Variants in DYNC2H1 observed in about 807,000 individuals in gnomAD.
DYNC2H1 encodes the protein dynein cytoplasmic 2 heavy chain 1.
A neutral mutation model predicts 570.0 loss-of-function variants in DYNC2H1; 410 were observed. That is an observed-to-expected ratio of 0.72 (90% CI 0.66 to 0.78). The LOEUF (loss-of-function observed/expected upper bound fraction) is 0.78. Among genes scored for constraint, DYNC2H1 ranks in the 30% least tolerant of loss-of-function variants. The pLI, the probability that DYNC2H1 is intolerant of heterozygous loss-of-function variation, is 0.00. For missense variants in DYNC2H1, 4,865 were observed against 5,046.4 expected (o/e 0.96, Z 1.09); for synonymous variants, 1,688 against 1,677.6 (o/e 1.01, Z -0.15).
rs754049260 is a variant in DYNC2H1, at chr11:103,201,089, A to T, written c.8197+935A>T. Among the ~76,000 whole-genome samples, 1 of 152,158 alleles carries T rather than the reference A, an allele frequency of 6.6e-6. No homozygotes were observed. The highest frequency in any genetic ancestry group is 1.9e-4 in the East Asian group (1 of 5,182). On this transcript the variant is annotated intron_variant, in intron 50 of 88. Transcript: ENST00000375735. The surrounding 1 kb of genome is among the most constrained non-coding windows in gnomAD (Gnocchi z 4.8). Reference sequence around the variant, plus strand: ...TGATCCTCCCGCCTTGGCCTCCCAAAGTGCTGGGATTACAGATGTGAGCCA... The same window carrying T: ...TGATCCTCCCGCCTTGGCCTCCCAATGTGCTGGGATTACAGATGTGAGCCA...
At chr11:103,413,560 C>A (rs1242604735) in intron 84 of DYNC2H1, among the ~76,000 whole-genome samples, 1 of 152,086 alleles carries the variant, frequency 6.6e-6, no homozygotes, top group Admixed American at 6.6e-5. Context: ...GTTCTTTCCA[C>A]CTTACTGCTC....
chr11:103,135,311 T>C (rs75685421), intron 15 of DYNC2H1, among the ~76,000 whole-genome samples, 184 bp from the exon 16 acceptor site: 1 of 152,182 alleles, frequency 6.6e-6, no homozygotes, highest in East Asian at 1.9e-4. Context: ...AGATTAGATT[T>C]TCATATTTGT....
chr11:103,247,742 T>A (rs1864671704), intron 65 of DYNC2H1, among the ~76,000 whole-genome samples: 2 of 152,040 alleles, frequency 1.3e-5, no homozygotes, highest in South Asian at 4.1e-4. Flanking sequence ...GAGTGGCATA[T>A]TTTCTAGCCA....
In DYNC2H1 at chr11:103,231,321, C is replaced by A; in HGVS notation, c.9415C>A (p.Gln3139Lys). 6.2e-7 allele frequency: 1 copy of A among 1,605,578 alleles called. No homozygotes were observed. The highest frequency in any genetic ancestry group is 1.1e-5 in the South Asian group (1 of 89,080). Residue 3139 changes from glutamine (Q) to lysine (K), a missense_variant, in exon 60 of 89, where the codon CAA (glutamine) becomes AAA (lysine). Physicochemically the swap from Gln to Lys is moderately conservative, Grantham distance 53. This residue lies in a region of DYNC2H1 where 2,401 missense variants were observed against 2,454.6 expected (regional missense o/e 0.98). Transcript: ENST00000375735. ...KLEELLNSVG[Q>K]KVSELKEKFQ... ...AGAGGAGCTTCTTAATTCTGTTGGT[C>A]AAAAGGTATCAGAACTCAAAGAAAA...
Position 103,220,608 on chromosome 11 carries a change from C to T in DYNC2H1, c.8947-15C>T. On this transcript the variant is annotated splice_polypyrimidine_tract_variant and intron_variant, in intron 56 of 88. Coordinates refer to ENST00000375735, the MANE Select transcript of DYNC2H1 (RefSeq NM_001377.3). ...TATATAATTTGAAGATAAAAATGGC[C>T]TTTTTCTCTTTTAGCCTTTAGTCAA... The T allele has an allele frequency of 1.9e-6, 3 of 1,558,964 alleles. No individual in the cohort carries two copies. In the South Asian group the frequency reaches 3.8e-5, roughly 20 times the overall value.
intron 75 of DYNC2H1, among the ~76,000 whole-genome samples, chr11:103,301,979 A>G (rs1353684928): frequency 6.6e-6 from 1 of 151,970 alleles, no homozygotes; most frequent in East Asian, 1.9e-4. Context: ...TTTTAGCTCA[A>G]TTCAAACAAG....
Position 103,161,016 on chromosome 11 carries a change from A to T in DYNC2H1, c.4463A>T (p.Asn1488Ile). 2.6e-6 allele frequency: 4 copies of T among 1,531,746 alleles called. No homozygotes were observed. The highest frequency in any genetic ancestry group is 3.5e-6 in the Non-Finnish European group (4 of 1,141,838). 94.9% of individuals were successfully genotyped at this position (1,531,746 alleles called of 1,614,324 possible). ...SLEGEVVPFK[N>I]KVPLSNNVET... is the part of the protein sequence containing the mutation. ...GAGGGAGAAGTTGTACCTTTTAAAA[A>T]TAAAGTTCCTCTATCAAATAATGTA... is the stretch of plus-strand genomic sequence containing the variant. Residue 1488 changes from asparagine to isoleucine, a missense_variant, in exon 29 of 89, where the codon AAT becomes ATT. Asn to Ile is a moderately radical substitution (Grantham distance 149). Coordinates refer to ENST00000375735, the MANE Select transcript of DYNC2H1 (RefSeq NM_001377.3).
At chr11:103,208,255 G>A (rs747199690) in intron 52 of DYNC2H1, among the ~76,000 whole-genome samples, 1 of 152,084 alleles carries the variant, frequency 6.6e-6, no homozygotes, top group African/African-American at 2.4e-5. Context: ...AATTAAGAAG[G>A]TAAGACAAGG....
intron 84 of DYNC2H1, chr11:103,403,852 G>A (rs1942749293): frequency 6.6e-6 from 1 of 151,988 alleles, no homozygotes; most frequent in Non-Finnish European, 1.5e-5. Flanking sequence ...TATACTCATA[G>A]CTTCAATATC....
rs1447084735 is a variant in DYNC2H1, at chr11:103,215,807, G to A, written c.8781G>A (p.Thr2927=). 12 of 1,612,528 alleles carry A rather than the reference G, an allele frequency of 7.4e-6. No individual in the cohort carries two copies. In the Admixed American group the frequency reaches 1.2e-4, roughly 16 times the overall value. ...KAGEQSVLLK[T]KQDEADAALQ... is the part of the protein sequence containing the mutation. ...GAGAACAAAGTGTGTTACTTAAAACGAAGCAAGATGAAGCAGATGCTGCCC... is the reference window on the plus strand; with the variant it reads ...GAGAACAAAGTGTGTTACTTAAAACAAAGCAAGATGAAGCAGATGCTGCCC... Residue 2927 remains threonine (T), a synonymous_variant, in exon 55 of 89, where the codon ACG becomes ACA. Coordinates refer to ENST00000375735, the MANE Select transcript of DYNC2H1 (RefSeq NM_001377.3).
At position 103,457,616 on chromosome 11, in the gene DYNC2H1, A is replaced by T. The variant is rs116252653; in HGVS notation, c.12648+1260A>T. On this transcript the variant is annotated intron_variant, in intron 87 of 88. Coordinates refer to ENST00000375735, the MANE Select transcript of DYNC2H1 (RefSeq NM_001377.3). ...TTTATACTTTTTGACTCTTATAAATAACACTTAGCTTAAAACATAAACACA... is the reference window on the plus strand; with the variant it reads ...TTTATACTTTTTGACTCTTATAAATTACACTTAGCTTAAAACATAAACACA... Among the ~76,000 whole-genome samples, 340 of 152,336 alleles carry T rather than the reference A, an allele frequency of 2.2e-3. 3 individuals carry two copies. Among genetic ancestry groups the T allele is most frequent in the African/African-American group, 7.9e-3 (327 of 41,590 alleles).
chr11:103,423,408 TAAAAAAAA>T (rs60223334), intron 84 of DYNC2H1, among the ~76,000 whole-genome samples: 1 of 120,508 alleles, frequency 8.3e-6, no homozygotes, highest in Non-Finnish European at 1.9e-5. Context: ...GCCAAAAAAG[TAAAAAAAA>T]AAAAAAAAAA....
chr11:103,176,630 A>T (rs566666481), intron 37 of DYNC2H1, among the ~76,000 whole-genome samples, 196 bp downstream of exon 37: 10 of 152,028 alleles, frequency 6.6e-5, no homozygotes, highest in Admixed American at 5.9e-4. Flanking sequence ...TTCTTGTTTC[A>T]TGTTTGTGTG....
intron 65 of DYNC2H1, among the ~76,000 whole-genome samples, chr11:103,248,285 C>A (rs117598137): frequency 0.011 from 1,642 of 151,950 alleles, 12 homozygotes; most frequent in Non-Finnish European, 0.018. Flanking sequence ...CCACTGGAGA[C>A]CATTATCAAA....
rs942167516 is a variant in DYNC2H1, at chr11:103,145,026, A to G, written c.2702+1631A>G. 2.0e-5 allele frequency among the ~76,000 whole-genome samples: 3 copies of G among 151,882 alleles called. No homozygotes were observed. The highest frequency in any genetic ancestry group is 7.3e-5 in the African/African-American group (3 of 41,332). The stretch of plus-strand genomic sequence containing the variant: ...CTCCTGAGTAGCTGGGACTACAGGC[A>G]CGTGCCACCACGCCTGGCTAATTTT... On this transcript the variant is annotated intron_variant, in intron 18 of 88. Transcript: ENST00000375735. This position sits in a 1 kb window ranked among gnomAD's most constrained non-coding sequence, Gnocchi z 4.2.
At chr11:103,271,882 C>T (rs1044430586) in intron 70 of DYNC2H1, among the ~76,000 whole-genome samples, 1 of 152,184 alleles carries the variant, frequency 6.6e-6, no homozygotes, top group Non-Finnish European at 1.5e-5. Flanking sequence ...GATACCATCT[C>T]ACACCAGTTA....
intron 82 of DYNC2H1, among the ~76,000 whole-genome samples, chr11:103,339,265 C>A (rs1043292288): frequency 6.6e-6 from 1 of 151,992 alleles, no homozygotes; most frequent in Non-Finnish European, 1.5e-5. Context: ...CATTAGAACA[C>A]CATGAAAGCC....
At chr11:103,380,702 C>T (rs1941607822) in intron 83 of DYNC2H1, among the ~76,000 whole-genome samples, 2 of 152,128 alleles carry the variant, frequency 1.3e-5, no homozygotes, top group South Asian at 4.1e-4. Context: ...GCTGGGACCA[C>T]AGGTGCACGG....
At position 103,363,421 on chromosome 11, in the gene DYNC2H1, A is replaced by G. The variant is rs1349338604; in HGVS notation, c.12156+5062A>G. ...TATCCAGCCACTCTAAAGATTCTGG[A>G]ATTTAGCAATTTCAAAATTGCTGTT... On this transcript the variant is annotated intron_variant, in intron 83 of 88. Transcript: ENST00000375735. This position sits in a 1 kb window ranked among gnomAD's most constrained non-coding sequence, Gnocchi z 5.6. 1.3e-5 allele frequency among the ~76,000 whole-genome samples: 2 copies of G among 152,138 alleles called. No homozygotes were observed. The highest frequency in any genetic ancestry group is 4.8e-5 in the African/African-American group (2 of 41,420).
Sources: gnomAD v4.1 joint callset for allele counts (sites outside exome capture counted in the v4.1 genomes callset) on GRCh38, gnomAD v4.1.1 for gene constraint, gnomAD v4.1.1 regional missense constraint, Gnocchi (gnomAD v3.1) non-coding constraint, MANE v1.5 for transcripts, NCBI Gene and HGNC (gene_info 2026-07-23, HGNC 2026-07-21) for gene names.